The following AUTS2 variants were observed in gnomAD, a reference collection of about 807,000 sequenced individuals.
The protein encoded by AUTS2 is autism susceptibility gene 2 protein.
In AUTS2, 17 loss-of-function variants were observed where a neutral mutation model predicts 112.4. The ratio of observed to expected loss-of-function variants is 0.15; its 90% CI spans 0.10 to 0.23. The LOEUF (loss-of-function observed/expected upper bound fraction) is 0.23. AUTS2 is among the 10% of genes least tolerant of loss of function. The pLI is 1.00. For missense variants in AUTS2, 1,510 were observed against 1,701.6 expected, an observed-to-expected ratio of 0.89 and a Z score of 1.98; for synonymous variants, 751 against 702.7, an observed-to-expected ratio of 1.07 and a Z score of -1.09.
chr7:70,708,373 A>G (rs1809852564), intron 6 of AUTS2, among the ~76,000 whole-genome samples: 1 of 152,212 alleles, frequency 6.6e-6, no homozygotes, highest in Non-Finnish European at 1.5e-5. Context: ...AAATGACATC[A>G]GTGGTGATTC....
At chr7:70,238,357 C>T (rs773660376) in intron 4 of AUTS2, among the ~76,000 whole-genome samples, 13 of 152,184 alleles carry the variant, frequency 8.5e-5, no homozygotes, top group Admixed American at 6.5e-4. Context: ...TTAGCTTTGC[C>T]GGCAAGGCCT....
At position 70,692,880 on chromosome 7, in the gene AUTS2, A is replaced by G. The variant is rs758063567; in HGVS notation, c.691-5689A>G. Among the ~76,000 whole-genome samples, 222 of 151,926 alleles carry G rather than the reference A, an allele frequency of 1.5e-3. 3 individuals carry two copies. The highest frequency in any genetic ancestry group is 4.1e-4 in the Non-Finnish European group (28 of 67,986). On this transcript the variant is annotated intron_variant, in intron 5 of 18. Transcript: ENST00000342771. ...CCATCATTACTTTAAACCAGTCTGC[A>G]TGTCATTCATATGTGGTGTGCATCT...
At chr7:70,168,305 T>C (rs1808486825) in intron 4 of AUTS2, among the ~76,000 whole-genome samples, 1 of 152,196 alleles carries the variant, frequency 6.6e-6, no homozygotes, top group Admixed American at 6.5e-5. Context: ...CGGTGGTTTC[T>C]AAACTCTCCC....
chr7:69,967,172 G>T (rs1309521360), intron 2 of AUTS2, among the ~76,000 whole-genome samples: 1 of 152,162 alleles, frequency 6.6e-6, no homozygotes, highest in Admixed American at 6.6e-5. Flanking sequence ...GGTTAAATCT[G>T]TGGCAGTGTC....
chr7:69,735,657 C>T (rs1445434351), intron 1 of AUTS2, among the ~76,000 whole-genome samples: 1 of 152,170 alleles, frequency 6.6e-6, no homozygotes, highest in Non-Finnish European at 1.5e-5. Flanking sequence ...AGCCAGAAGC[C>T]TTGGGCTCCA....
intron 2 of AUTS2, among the ~76,000 whole-genome samples, chr7:69,913,033 T>G (rs773888850): frequency 1.3e-5 from 2 of 152,236 alleles, no homozygotes; most frequent in Non-Finnish European, 2.9e-5. Flanking sequence ...CCTGCTGCAA[T>G]GTACCTTCCC....
At chr7:70,685,873 G>A (rs953032749) in intron 5 of AUTS2, among the ~76,000 whole-genome samples, 10 of 152,268 alleles carry the variant, frequency 6.6e-5, no homozygotes, top group African/African-American at 2.2e-4. Context: ...ACAGATGGTC[G>A]CATCCCTACC....
At chr7:69,808,095 T>C (rs1423146368) in intron 1 of AUTS2, among the ~76,000 whole-genome samples, 2 of 152,076 alleles carry the variant, frequency 1.3e-5, no homozygotes, top group East Asian at 3.9e-4. Flanking sequence ...GCCTGGCTAA[T>C]TTTTGTATTT....
intron 2 of AUTS2, among the ~76,000 whole-genome samples, chr7:70,049,078 A>G (rs1396237730): frequency 6.6e-6 from 1 of 152,166 alleles, no homozygotes; most frequent in Non-Finnish European, 1.5e-5. Flanking sequence ...CTATAGGTAC[A>G]CACCACCACC....
At chr7:70,361,416 C>T (rs1325001065) in intron 4 of AUTS2, among the ~76,000 whole-genome samples, 1 of 152,052 alleles carries the variant, frequency 6.6e-6, no homozygotes, top group Non-Finnish European at 1.5e-5. Flanking sequence ...TTGTTTGGCT[C>T]AGTGTTCATT....
chr7:69,979,797 A>G (rs1798218658), intron 2 of AUTS2, among the ~76,000 whole-genome samples: 1 of 152,230 alleles, frequency 6.6e-6, no homozygotes, highest in South Asian at 2.1e-4. Flanking sequence ...GCTGCCTGCT[A>G]TACAGATGCA....
intron 2 of AUTS2, among the ~76,000 whole-genome samples, chr7:70,019,989 A>G (rs968203870): frequency 6.6e-6 from 1 of 152,184 alleles, no homozygotes; most frequent in African/African-American, 2.4e-5. Context: ...TACAGCACTC[A>G]GTTCTGGGTA....
At chr7:69,770,109 C>T (rs549731444) in intron 1 of AUTS2, among the ~76,000 whole-genome samples, 1 of 152,302 alleles carries the variant, frequency 6.6e-6, no homozygotes, top group Non-Finnish European at 1.5e-5. Context: ...TGGGGCTACA[C>T]ATCACAGCAT....
At chr7:70,253,334 T>C (rs1786696256) in intron 4 of AUTS2, among the ~76,000 whole-genome samples, 1 of 152,206 alleles carries the variant, frequency 6.6e-6, no homozygotes, top group African/African-American at 2.4e-5. Context: ...CTAGGTGGTG[T>C]TGATTTTTTT....
intron 6 of AUTS2, among the ~76,000 whole-genome samples, chr7:70,716,562 G>T (rs904039548): frequency 6.7e-6 from 1 of 148,578 alleles, no homozygotes; most frequent in Non-Finnish European, 1.5e-5. Flanking sequence ...GAACCCGGCC[G>T]GGAGGCAGAG....
chr7:69,750,727 G>A (rs554971804), intron 1 of AUTS2, among the ~76,000 whole-genome samples: 2 of 152,128 alleles, frequency 1.3e-5, no homozygotes, highest in South Asian at 4.2e-4. Context: ...TGAGCCACCA[G>A]GCCTGACTTC....
chr7:69,924,302 TA>T (rs1467977209), intron 2 of AUTS2, among the ~76,000 whole-genome samples: 6 of 152,148 alleles, frequency 3.9e-5, no homozygotes, highest in African/African-American at 1.4e-4. Flanking sequence ...CATGATATAT[TA>T]ACTTCTAAAT....
At chr7:70,229,756 T>C (rs1351218298) in intron 4 of AUTS2, among the ~76,000 whole-genome samples, 1 of 150,122 alleles carries the variant, frequency 6.7e-6, no homozygotes, top group East Asian at 1.9e-4. Context: ...ATTTTCTTCA[T>C]TTTTTCCCCC....
chr7:69,718,370 G>A (rs181055889), intron 1 of AUTS2, among the ~76,000 whole-genome samples: 1 of 152,194 alleles, frequency 6.6e-6, no homozygotes, highest in Non-Finnish European at 1.5e-5. Flanking sequence ...TAAAATCGAG[G>A]TGTCAGGGGG....
Sources: gnomAD v4.1 joint callset for allele counts (sites outside exome capture counted in the v4.1 genomes callset) on GRCh38, gnomAD v4.1.1 for gene constraint, MANE v1.5 for transcripts, NCBI Gene and HGNC (gene_info 2026-07-23, HGNC 2026-07-21) for gene names.